The following ARHGAP31 variants were observed in gnomAD, a reference collection of about 807,000 sequenced individuals.
The protein encoded by ARHGAP31 is Rho GTPase activating protein 31.
In ARHGAP31, 34 loss-of-function variants were observed where a neutral mutation model predicts 113.9. The observed-to-expected ratio is 0.30, with a 90% confidence interval of 0.23 to 0.40. The LOEUF is 0.40. Ranked by LOEUF, ARHGAP31 falls within the 10% of genes least tolerant of loss-of-function variation. ARHGAP31 has a pLI of 1.00. For synonymous variants in ARHGAP31, 650 were observed against 684.8 expected, an observed-to-expected ratio of 0.95 and a Z score of 0.79; for missense variants, 1,548 against 1,767.1, an observed-to-expected ratio of 0.88 and a Z score of 2.22.
intron 1 of ARHGAP31, among the ~76,000 whole-genome samples, chr3:119,311,237 T>C (rs1014725623): frequency 2.0e-5 from 3 of 152,320 alleles, no homozygotes; most frequent in Middle Eastern, 3.4e-3. Flanking sequence ...CTGGCACCCA[T>C]CCTCTGTTCC....
chr3:119,323,000 G>A (rs1418329372), intron 1 of ARHGAP31, among the ~76,000 whole-genome samples: 1 of 152,196 alleles, frequency 6.6e-6, no homozygotes, highest in Non-Finnish European at 1.5e-5. Context: ...CCCGGGGTCC[G>A]GGCGCCCGCC....
At chr3:119,365,581 A>T (rs1294533424) in intron 2 of ARHGAP31, among the ~76,000 whole-genome samples, 163 bp downstream of exon 2, 1 of 152,238 alleles carries the variant, frequency 6.6e-6, no homozygotes, top group East Asian at 1.9e-4. Context: ...ACTGTTCTTA[A>T]TCTAATCAGG....
chr3:119,298,647 T>G (rs912508030), intron 1 of ARHGAP31: 2 of 152,362 alleles, frequency 1.3e-5, no homozygotes, highest in African/African-American at 4.8e-5. Context: ...TGGTAAAAAG[T>G]GATACCGAGC....
intron 1 of ARHGAP31, among the ~76,000 whole-genome samples, chr3:119,351,069 GA>G (rs2080105964): frequency 6.6e-6 from 1 of 152,184 alleles, no homozygotes; most frequent in African/African-American, 2.4e-5. Flanking sequence ...TAGCACAGAT[GA>G]AAGTCTGAGG....
At chr3:119,322,142 A>G (rs1300676169) in intron 1 of ARHGAP31, among the ~76,000 whole-genome samples, 2 of 152,224 alleles carry the variant, frequency 1.3e-5, no homozygotes, top group Non-Finnish European at 1.5e-5. Context: ...AAGGTGTGTT[A>G]TTAGTCAGAA....
At chr3:119,357,633 G>T (rs1045550562) in intron 1 of ARHGAP31, among the ~76,000 whole-genome samples, 3 of 152,264 alleles carry the variant, frequency 2.0e-5, no homozygotes, top group South Asian at 2.1e-4. Flanking sequence ...TAAAACAATC[G>T]CTTTGAATCC....
intron 1 of ARHGAP31, among the ~76,000 whole-genome samples, chr3:119,313,819 C>G (rs2079705068): frequency 6.6e-6 from 1 of 152,176 alleles, no homozygotes; most frequent in Non-Finnish European, 1.5e-5. Context: ...GAAAACATAT[C>G]CTGAAGTTGA....
intron 4 of ARHGAP31, among the ~76,000 whole-genome samples, chr3:119,381,957 G>A (rs972991460): frequency 2.1e-5 from 3 of 140,946 alleles, no homozygotes; most frequent in African/African-American, 5.5e-5. Context: ...CTGCACTCCA[G>A]CCTGGGCGAC....
At chr3:119,367,442 G>A (rs2080259898) in intron 2 of ARHGAP31, among the ~76,000 whole-genome samples, 1 of 152,000 alleles carries the variant, frequency 6.6e-6, no homozygotes, top group African/African-American at 2.4e-5. Flanking sequence ...TGTTTTTCAG[G>A]CCTGGAATTG....
rs373155297 is a variant in ARHGAP31, at chr3:119,390,992, C to T, written c.881+9C>T. ...GAGTTACCAGACAACAAGTAAGTGG[C>T]ACTCTTTTAAAAAATTCTAGGAGAT... On this transcript the variant is annotated intron_variant, in intron 7 of 11. Transcript: ENST00000264245. 5 of 1,613,590 alleles carry T rather than the reference C, an allele frequency of 3.1e-6. No individual in the cohort carries two copies. The Admixed American group carries it at 5.0e-5, about 16-fold the overall frequency.
chr3:119,413,038 C>T (rs925632024), intron 11 of ARHGAP31, among the ~76,000 whole-genome samples: 5 of 147,536 alleles, frequency 3.4e-5, no homozygotes, highest in Non-Finnish European at 3.0e-5. Flanking sequence ...CATTAAAGGC[C>T]GGGCATGGTG....
intron 1 of ARHGAP31, among the ~76,000 whole-genome samples, chr3:119,306,817 A>G (rs181240174): frequency 1.3e-5 from 2 of 152,326 alleles, no homozygotes; most frequent in South Asian, 4.1e-4. Flanking sequence ...ACACTGACTT[A>G]GCACACAGAA....
intron 1 of ARHGAP31, among the ~76,000 whole-genome samples, chr3:119,364,382 T>G (rs1268360560): frequency 6.6e-6 from 1 of 152,240 alleles, no homozygotes; most frequent in African/African-American, 2.4e-5. Context: ...CAATGTATAT[T>G]CAATTTGTTG....
Position 119,414,590 on chromosome 3 carries a change from C to T in ARHGAP31, c.2661C>T (p.Asp887=). The part of the protein sequence containing the change: ...DVTHSVQEPS[D]CDEDDTVTDI... ...CCCATTCAGTACAGGAGCCTTCAGA[C>T]TGTGACGAAGATGACACTGTGACAG... is the stretch of plus-strand genomic sequence containing the variant. Residue 887 remains aspartate, a synonymous_variant, in exon 12 of 12, where the codon GAC becomes GAT. Transcript: ENST00000264245. 6.2e-7 allele frequency: 1 copy of T among 1,614,240 alleles called. No homozygotes were observed. Among genetic ancestry groups the T allele is most frequent in the Non-Finnish European group, 8.5e-7 (1 of 1,180,044 alleles).
chr3:119,325,008 T>G (rs1287766329), intron 1 of ARHGAP31: 1 of 455,994 alleles, frequency 2.2e-6, no homozygotes, highest in East Asian at 6.9e-5. Flanking sequence ...AGTGTGGACT[T>G]ATATGATGCC....
chr3:119,332,631 TCTCTCA>T (rs1244087765), intron 1 of ARHGAP31, among the ~76,000 whole-genome samples: 5,920 of 114,352 alleles, frequency 0.052, 86 homozygotes, highest in Non-Finnish European at 0.068. Context: ...TCTCTCTCTC[TCTCTCA>T]CACACACACA....
At chr3:119,375,189 C>T (rs1251749090) in intron 3 of ARHGAP31, among the ~76,000 whole-genome samples, 1 of 152,158 alleles carries the variant, frequency 6.6e-6, no homozygotes, top group African/African-American at 2.4e-5. Context: ...ACTTAAACAA[C>T]AGAAACCTAT....
At position 119,415,771 on chromosome 3, in the gene ARHGAP31, G is replaced by T. The variant is rs775544822; in HGVS notation, c.3842G>T (p.Cys1281Phe). 2 of 1,614,218 alleles carry T rather than the reference G, an allele frequency of 1.2e-6. No individual in the cohort carries two copies. The highest frequency in any genetic ancestry group is 1.7e-6 in the Non-Finnish European group (2 of 1,180,034). ...TCACCAGTGGATGCCACTGCACCCT[G>T]CATGTGCGAGGGACCTACCCTTTCT... is the stretch of plus-strand genomic sequence containing the variant. The part of the protein sequence containing the change: ...KSSPVDATAP[C>F]MCEGPTLSPE... The change falls in exon 12 of 12, where the codon TGC (cysteine) becomes TTC (phenylalanine). Residue 1281 changes from cysteine to phenylalanine, a missense_variant. Transcript: ENST00000264245.
At chr3:119,391,738 A>G (rs1577026170) in intron 7 of ARHGAP31, among the ~76,000 whole-genome samples, 1 of 152,208 alleles carries the variant, frequency 6.6e-6, no homozygotes, top group East Asian at 1.9e-4. Context: ...TTGGTCAGTG[A>G]AAACAGGTAT....
Sources: gnomAD v4.1 joint callset for allele counts (sites outside exome capture counted in the v4.1 genomes callset) on GRCh38, gnomAD v4.1.1 for gene constraint, MANE v1.5 for transcripts, NCBI Gene and HGNC (gene_info 2026-07-23, HGNC 2026-07-21) for gene names.